Variants in TIAM2 observed in about 807,000 individuals in gnomAD.
The protein encoded by TIAM2 is TIAM Rac1 associated GEF 2, also known as rho guanine nucleotide exchange factor TIAM2.
TIAM2 carries 80 observed loss-of-function variants against 152.9 expected under a neutral mutation model. That is an observed-to-expected ratio of 0.52 (90% CI 0.44 to 0.63). TIAM2 has a LOEUF of 0.63. Among genes scored for constraint, TIAM2 ranks in the 30% least tolerant of loss-of-function variants. TIAM2 has a pLI of 0.00. For missense variants in TIAM2, 1,965 were observed against 2,120.1 expected (o/e 0.93, Z 1.44); for synonymous variants, 804 against 838.0 (o/e 0.96, Z 0.70).
chr6:155,023,321 C>T (rs932392817), intron 1 of TIAM2, among the ~76,000 whole-genome samples: 5 of 152,088 alleles, frequency 3.3e-5, no homozygotes, highest in Admixed American at 6.6e-5. Flanking sequence ...AACTCTGCCA[C>T]GAGGGCGGTT....
At chr6:155,030,392 T>G (rs947678581) in intron 1 of TIAM2, among the ~76,000 whole-genome samples, 3 of 152,180 alleles carry the variant, frequency 2.0e-5, no homozygotes, top group Non-Finnish European at 4.4e-5. Flanking sequence ...AACAGTCCTG[T>G]GATAGCTGCT....
chr6:155,178,566 GTATTTATT>G (rs200721004), intron 10 of TIAM2, among the ~76,000 whole-genome samples: 8 of 151,778 alleles, frequency 5.3e-5, no homozygotes, highest in Non-Finnish European at 1.0e-4. Flanking sequence ...TTGCATACAA[GTATTTATT>G]TATTTATTTA....
At chr6:155,013,937 C>CACACAT (rs1467232317) in intron 1 of TIAM2, 1 of 151,976 alleles carries the variant, frequency 6.6e-6, no homozygotes, top group Non-Finnish European at 1.5e-5. Context: ...CACACACACA[C>CACACAT]ACACACACAC....
At chr6:155,209,325 A>G (rs1368519912) in intron 14 of TIAM2, among the ~76,000 whole-genome samples, 1 of 152,104 alleles carries the variant, frequency 6.6e-6, no homozygotes, top group Admixed American at 6.5e-5. Context: ...GAACGGGGAG[A>G]TACACTTAGG....
At position 155,165,395 on chromosome 6, in the gene TIAM2, C is replaced by G. The variant is rs1562338540; in HGVS notation, c.2347C>G (p.Pro783Ala). 3 of 1,612,242 alleles carry G rather than the reference C, an allele frequency of 1.9e-6. No individual in the cohort carries two copies. Among genetic ancestry groups the G allele is most frequent in the Non-Finnish European group, 2.5e-6 (3 of 1,179,456 alleles). Reference sequence around the variant, plus strand: ...GGCCAGAAAAGGCAAGGAGAAGAGACCTTCTATAACTCAGGTGAGCTTTTC... The same window carrying G: ...GGCCAGAAAAGGCAAGGAGAAGAGAGCTTCTATAACTCAGGTGAGCTTTTC... Reference protein sequence around the residue: ...TLARKGKEKRPSITQVDELLH... With the variant: ...TLARKGKEKRASITQVDELLH... Residue 783 changes from proline (P) to alanine (A), a missense_variant, in exon 9 of 27, where the codon CCT (proline) becomes GCT (alanine). Physicochemically the swap from Pro to Ala is conservative, Grantham distance 27. This residue lies in a region of TIAM2 where 1,025 missense variants were observed against 1,119.4 expected (regional missense o/e 0.92). Transcript: ENST00000682666.
At chr6:155,022,209 T>C (rs992240413) in intron 1 of TIAM2, 2 of 152,134 alleles carry the variant, frequency 1.3e-5, no homozygotes, top group African/African-American at 4.8e-5. Context: ...AGGGGAAGGG[T>C]ACAGAGACGC....
At position 155,165,279 on chromosome 6, in the gene TIAM2, A is replaced by T; in HGVS notation, c.2231A>T (p.Asp744Val). The change falls in exon 9 of 27, where the codon GAC (aspartate) becomes GTC (valine). Residue 744 changes from aspartate (D) to valine (V), a missense_variant. Asp to Val is a radical substitution (Grantham distance 152, BLOSUM62 -3). This residue lies in a region of TIAM2 where 1,025 missense variants were observed against 1,119.4 expected (regional missense o/e 0.92). Transcript: ENST00000682666. ...TTACATTAGGTATGTTCTAGAGATG[A>T]CTCTGCTCTCCGGAAAAGGACACTG... ...SFHALVCSRD[D>V]SALRKRTLSL... 1 of 1,613,584 alleles carries T rather than the reference A, an allele frequency of 6.2e-7. No homozygotes were observed. Among genetic ancestry groups the T allele is most frequent in the South Asian group, 1.1e-5 (1 of 90,998 alleles).
chr6:155,002,682 T>TTTA (rs1778332167), intron 1 of TIAM2, among the ~76,000 whole-genome samples: 1 of 151,886 alleles, frequency 6.6e-6, no homozygotes. Flanking sequence ...GTTTTATTTA[T>TTTA]TTATTTATTT....
At position 155,195,354 on chromosome 6, in the gene TIAM2, A is replaced by G. The variant is rs748465699; in HGVS notation, c.3064+11854A>G. The stretch of plus-strand genomic sequence containing the variant: ...GATTTGCATTTTTTTACCCCATGGT[A>G]GGTACCCATCGCCTGTGAAGATCAC... On this transcript the variant is annotated intron_variant, in intron 14 of 26. Transcript: ENST00000682666. Among the ~76,000 whole-genome samples, 17 of 152,348 alleles carry G rather than the reference A, an allele frequency of 1.1e-4. 1 individual carries two copies. Among genetic ancestry groups the G allele is most frequent in the Admixed American group, 1.1e-3 (17 of 15,296 alleles).
intron 2 of TIAM2, among the ~76,000 whole-genome samples, chr6:155,104,028 TCACA>T (rs869238864): frequency 2.2e-5 from 2 of 90,396 alleles, no homozygotes; most frequent in African/African-American, 1.2e-4. Flanking sequence ...TGTATTTACC[TCACA>T]CACACACACC....
At chr6:155,231,225 A>C (rs898069982) in intron 15 of TIAM2, among the ~76,000 whole-genome samples, 1 of 152,204 alleles carries the variant, frequency 6.6e-6, no homozygotes, top group Non-Finnish European at 1.5e-5. Flanking sequence ...CAGCTGCTGC[A>C]TATGGCTCCT....
chr6:155,247,857 C>A, intron 19 of TIAM2, 143 bp from the exon 20 acceptor site: 2 of 1,055,394 alleles, frequency 1.9e-6, no homozygotes, highest in Non-Finnish European at 2.7e-6. Context: ...GGGTGCCTGA[C>A]CCACTGATGT....
At chr6:155,108,211 C>A (rs891317341) in intron 2 of TIAM2, among the ~76,000 whole-genome samples, 4 of 152,172 alleles carry the variant, frequency 2.6e-5, no homozygotes, top group Non-Finnish European at 5.9e-5. Flanking sequence ...TGGGTCAGGG[C>A]TGTCATCTCC....
At chr6:155,086,885 C>G (rs914302012) in intron 1 of TIAM2, among the ~76,000 whole-genome samples, 1 of 152,052 alleles carries the variant, frequency 6.6e-6, no homozygotes, top group Non-Finnish European at 1.5e-5. Context: ...TATTAAGCAC[C>G]CATGAGTAAG....
chr6:155,054,590 T>TTG (rs201262879), intron 1 of TIAM2, among the ~76,000 whole-genome samples: 16 of 109,874 alleles, frequency 1.5e-4, no homozygotes, highest in African/African-American at 4.4e-4. Flanking sequence ...TTGTTTTGTT[T>TTG]TTTTTTTTTG....
intron 7 of TIAM2, among the ~76,000 whole-genome samples, chr6:155,163,342 C>A (rs3805837): frequency 1.4e-3 from 214 of 152,296 alleles, no homozygotes; most frequent in African/African-American, 4.8e-3. Flanking sequence ...CCTGTGTTGG[C>A]AAGTCACAAG....
intron 1 of TIAM2, among the ~76,000 whole-genome samples, chr6:155,061,180 C>CTT (rs1562304479): frequency 6.6e-6 from 1 of 152,114 alleles, no homozygotes; most frequent in African/African-American, 2.4e-5. Context: ...CATACTAATC[C>CTT]ATGTGTACAC....
At chr6:155,155,023 A>G (rs1358437752) in intron 7 of TIAM2, among the ~76,000 whole-genome samples, 1 of 152,182 alleles carries the variant, frequency 6.6e-6, no homozygotes, top group Non-Finnish European at 1.5e-5. Flanking sequence ...ACTGGAGTGT[A>G]GCATATTTGT....
chr6:155,228,596 TA>T (rs1287316374), intron 15 of TIAM2, among the ~76,000 whole-genome samples: 2 of 152,118 alleles, frequency 1.3e-5, no homozygotes, highest in African/African-American at 4.8e-5. Context: ...AGGCATACAT[TA>T]GACAGATTAG....
Sources: allele counts gnomAD v4.1 joint callset (sites outside exome capture counted in the v4.1 genomes callset), GRCh38; gene constraint gnomAD v4.1.1; regional missense constraint gnomAD v4.1.1; transcripts MANE v1.5; gene names NCBI Gene and HGNC (gene_info 2026-07-23, HGNC 2026-07-21).